PARVB: variants seen among roughly 807,000 people sequenced by gnomAD.
PARVB encodes the protein beta-parvin.
PARVB carries 46 observed loss-of-function variants against 47.0 expected under a neutral mutation model. The observed-to-expected ratio is 0.98, with a 90% CI of 0.77 to 1.25. The LOEUF (loss-of-function observed/expected upper bound fraction) is 1.25. Ranked by LOEUF, PARVB falls within the 50% of genes most tolerant of loss-of-function variation. The probability of loss-of-function intolerance (pLI) is 0.00; values close to 1 mark genes in which losing one functional copy is unlikely to be tolerated. For missense variants in PARVB, 473 were observed against 471.6 expected, an observed-to-expected ratio of 1.00 and a Z score of -0.03; for synonymous variants, 196 against 196.3, an observed-to-expected ratio of 1.00 and a Z score of 0.01.
At chr22:44,004,319 A>C (rs1460658265) in intron 2 of PARVB, among the ~76,000 whole-genome samples, 1 of 152,238 alleles carries the variant, frequency 6.6e-6, no homozygotes, top group Non-Finnish European at 1.5e-5. Flanking sequence ...CTGAAGAAGG[A>C]ATTAATAAAA....
At chr22:44,107,191 A>G (rs1166877720) in intron 3 of PARVB, 4 of 152,248 alleles carry the variant, frequency 2.6e-5, no homozygotes, top group East Asian at 1.9e-4. Flanking sequence ...GACTTATCCA[A>G]AAGTCATCTT....
At chr22:44,048,200 G>T (rs1336089620) in intron 1 of PARVB, among the ~76,000 whole-genome samples, 2 of 152,182 alleles carry the variant, frequency 1.3e-5, no homozygotes, top group Non-Finnish European at 2.9e-5. Flanking sequence ...CTTTTTCACT[G>T]GGGCCTGAAA....
intron 1 of PARVB, among the ~76,000 whole-genome samples, chr22:44,035,125 G>A (rs1289601707): frequency 6.6e-6 from 1 of 152,150 alleles, no homozygotes; most frequent in East Asian, 1.9e-4. Flanking sequence ...TATGCATTAT[G>A]TGCTGTATTC....
rs1055738323 is a variant in PARVB at position 44,068,744 on chromosome 22, T to C, written c.113-25184T>C. 6.6e-5 allele frequency among the ~76,000 whole-genome samples: 10 copies of C among 152,208 alleles called. 1 individual carries two copies. The highest frequency in any genetic ancestry group is 2.4e-4 in the African/African-American group (10 of 41,468). On this transcript the variant is annotated intron_variant, in intron 1 of 12. Coordinates refer to ENST00000338758, the MANE Select transcript of PARVB (RefSeq NM_013327.5). This position sits in a 1 kb window ranked among gnomAD's most constrained non-coding sequence, Gnocchi z 4.1. ...CTTGCAGACCCCCAATCACTTCTCC[T>C]GTCTCAGGGCCCAGAGAGCAAAGGC...
chr22:44,048,085 TCAGG>T (rs1305267172), intron 1 of PARVB, among the ~76,000 whole-genome samples: 1 of 152,024 alleles, frequency 6.6e-6, no homozygotes, highest in African/African-American at 2.4e-5. Flanking sequence ...GGATGGGGGT[TCAGG>T]CAGGCAGAAC....
intron 1 of PARVB, among the ~76,000 whole-genome samples, chr22:44,036,845 G>A (rs902448750): frequency 3.3e-5 from 5 of 151,952 alleles, no homozygotes; most frequent in African/African-American, 1.2e-4. Context: ...GGTGGTGCAC[G>A]TCTGTGGTCC....
chr22:44,023,541 A>ACAAAAC (rs202138296), upstream of PARVB, among the ~76,000 whole-genome samples: 17 of 28,712 alleles, frequency 5.9e-4, no homozygotes, highest in African/African-American at 1.4e-3. Flanking sequence ...ACAAAACAAA[A>ACAAAAC]TAAAATAAAA....
intron 1 of PARVB, among the ~76,000 whole-genome samples, chr22:44,082,200 G>A (rs1190605641): frequency 2.0e-5 from 3 of 152,186 alleles, no homozygotes; most frequent in Non-Finnish European, 2.9e-5. Context: ...CCCGTGCTCC[G>A]GAAGGGTGGC....
chr22:44,073,733 A>C (rs914980655), intron 1 of PARVB, among the ~76,000 whole-genome samples: 1 of 152,208 alleles, frequency 6.6e-6, no homozygotes, highest in Non-Finnish European at 1.5e-5. Context: ...AGACCCCAGA[A>C]GCACTTCCCT....
At chr22:44,039,661 A>G (rs1205637850) in intron 1 of PARVB, among the ~76,000 whole-genome samples, 1 of 152,188 alleles carries the variant, frequency 6.6e-6, no homozygotes, top group African/African-American at 2.4e-5. Flanking sequence ...CAGTAGGTGA[A>G]TGGATACACG....
chr22:44,043,278 A>C (rs1464626292), intron 1 of PARVB, among the ~76,000 whole-genome samples: 1 of 152,136 alleles, frequency 6.6e-6, no homozygotes, highest in Non-Finnish European at 1.5e-5. Flanking sequence ...GGGTACAGGG[A>C]TTATTTTGGG....
chr22:44,076,807 C>T (rs986666058), intron 1 of PARVB, among the ~76,000 whole-genome samples: 7 of 152,102 alleles, frequency 4.6e-5, no homozygotes, highest in Non-Finnish European at 1.0e-4. Flanking sequence ...CCCCAACTCC[C>T]CTGCACCCTA....
intron 1 of PARVB, among the ~76,000 whole-genome samples, chr22:44,072,984 GT>G (rs1441493828): frequency 6.6e-6 from 1 of 152,072 alleles, no homozygotes; most frequent in Non-Finnish European, 1.5e-5. Flanking sequence ...CCTCCCTTAT[GT>G]GTCTCCTGGG....
intron 11 of PARVB, among the ~76,000 whole-genome samples, chr22:44,161,460 C>T (rs938224786): frequency 7.9e-5 from 12 of 152,080 alleles, no homozygotes; most frequent in African/African-American, 2.7e-4. Flanking sequence ...ATTACAGGCA[C>T]ATGCCACCAT....
At chr22:44,126,490 A>G (rs1429331739) in intron 4 of PARVB, among the ~76,000 whole-genome samples, 1 of 152,190 alleles carries the variant, frequency 6.6e-6, no homozygotes, top group Non-Finnish European at 1.5e-5. Context: ...TTCAACTCAG[A>G]AGGCTGGAGG....
At chr22:44,030,431 C>A (rs1228977141) in intron 1 of PARVB, among the ~76,000 whole-genome samples, 1 of 152,216 alleles carries the variant, frequency 6.6e-6, no homozygotes, top group Non-Finnish European at 1.5e-5. Flanking sequence ...AGCAACGGTG[C>A]AGCCTGTGGG....
intron 1 of PARVB, among the ~76,000 whole-genome samples, chr22:44,059,334 C>A (rs1478031830): frequency 6.6e-6 from 1 of 152,194 alleles, no homozygotes; most frequent in African/African-American, 2.4e-5. Context: ...ACATGAGCCT[C>A]TGTGCCCAGC....
chr22:44,035,976 G>C (rs2050916081), intron 1 of PARVB, among the ~76,000 whole-genome samples: 1 of 152,140 alleles, frequency 6.6e-6, no homozygotes, highest in Non-Finnish European at 1.5e-5. Context: ...ACTGCATCTT[G>C]GCTGGGTGCA....
At chr22:44,160,563 TC>T (rs2054029897) in intron 11 of PARVB, among the ~76,000 whole-genome samples, 1 of 152,170 alleles carries the variant, frequency 6.6e-6, no homozygotes, top group South Asian at 2.1e-4. Flanking sequence ...CCCAGGCCTC[TC>T]CGGGATCCAT....
Sources: allele counts gnomAD v4.1 joint callset (sites outside exome capture counted in the v4.1 genomes callset), GRCh38; gene constraint gnomAD v4.1.1; non-coding constraint Gnocchi (gnomAD v3.1); transcripts MANE v1.5; gene names NCBI Gene and HGNC (gene_info 2026-07-23, HGNC 2026-07-21).